The following PPP1R9A variants were observed in gnomAD, a reference collection of about 807,000 sequenced individuals.
PPP1R9A encodes protein phosphatase 1 regulatory subunit 9A.
PPP1R9A carries 59 observed loss-of-function variants against 141.9 expected under a neutral mutation model. The observed-to-expected ratio is 0.42, with a 90% CI of 0.34 to 0.52. The LOEUF (loss-of-function observed/expected upper bound fraction) is 0.52, where lower values mean the gene tolerates loss of function less well. PPP1R9A is among the 20% of genes least tolerant of loss of function. PPP1R9A has a pLI of 0.10. For synonymous variants in PPP1R9A, 500 were observed against 569.7 expected (o/e 0.88, Z 1.74); for missense variants, 1,444 against 1,611.9 (o/e 0.90, Z 1.78).
At chr7:95,012,962 T>C (rs1340408564) in intron 2 of PPP1R9A, among the ~76,000 whole-genome samples, 1 of 152,194 alleles carries the variant, frequency 6.6e-6, no homozygotes, top group Non-Finnish European at 1.5e-5. Context: ...ATGACTTCTC[T>C]GGCCCCTTCC....
intron 2 of PPP1R9A, among the ~76,000 whole-genome samples, chr7:95,067,719 C>G (rs1045027181): frequency 6.6e-6 from 1 of 151,152 alleles, no homozygotes; most frequent in Admixed American, 6.6e-5. Flanking sequence ...TTTTTCTTTT[C>G]TAAGTGCTGA....
intron 4 of PPP1R9A, among the ~76,000 whole-genome samples, chr7:95,121,473 C>G (rs1205123764): frequency 1.3e-5 from 2 of 149,488 alleles, no homozygotes; most frequent in African/African-American, 5.0e-5. Flanking sequence ...ATCTATCTAT[C>G]TATCTATCTA....
At position 95,293,234 on chromosome 7, in the gene PPP1R9A, CTTTG is replaced by C. The variant is rs1806605364; in HGVS notation, c.*2935_*2938del. ...AGGATGTTAGTTTTATAACAGATTA[CTTTG>C]TTTAAGACCATCTCCCTTCAAGTAA... On this transcript the variant is annotated 3_prime_UTR_variant, in exon 20 of 20. Coordinates refer to ENST00000433360, the MANE Select transcript of PPP1R9A (RefSeq NM_001166160.2). 4.6e-5 allele frequency: 7 copies of C among 152,152 alleles called. No homozygotes were observed. The highest frequency in any genetic ancestry group is 4.6e-4 in the Admixed American group (7 of 15,258). The allele number at this position is 152,152 out of a possible 1,614,324, so 9.4% of individuals were successfully genotyped here.
intron 2 of PPP1R9A, among the ~76,000 whole-genome samples, chr7:94,957,090 C>G (rs567064586): frequency 6.6e-6 from 1 of 152,236 alleles, no homozygotes; most frequent in South Asian, 2.1e-4. Flanking sequence ...TATTTTGGAA[C>G]AAGTGGAAGA....
At chr7:95,179,041 TA>T (rs1833322156) in intron 5 of PPP1R9A, among the ~76,000 whole-genome samples, 1 of 152,084 alleles carries the variant, frequency 6.6e-6, no homozygotes, top group Non-Finnish European at 1.5e-5. Flanking sequence ...GGCATCACCC[TA>T]ATATCAAGAC....
chr7:95,071,921 A>G (rs1477109911), intron 2 of PPP1R9A, among the ~76,000 whole-genome samples: 2 of 151,616 alleles, frequency 1.3e-5, no homozygotes, highest in African/African-American at 4.8e-5. Context: ...TATTTTATCT[A>G]CCTTTTTGTA....
intron 7 of PPP1R9A, among the ~76,000 whole-genome samples, chr7:95,212,273 G>A (rs528397047): frequency 4.6e-5 from 7 of 151,948 alleles, no homozygotes; most frequent in East Asian, 1.9e-4. Flanking sequence ...GATCAAATCC[G>A]TTTACTTGGG....
intron 2 of PPP1R9A, among the ~76,000 whole-genome samples, chr7:94,955,800 T>C (rs939468754): frequency 2.6e-5 from 4 of 152,170 alleles, no homozygotes; most frequent in South Asian, 2.1e-4. Context: ...CCTCATTTTC[T>C]GTGTCAGTCT....
intron 2 of PPP1R9A, among the ~76,000 whole-genome samples, chr7:95,072,974 T>A (rs979768707): frequency 7.6e-6 from 1 of 131,868 alleles, no homozygotes; most frequent in African/African-American, 2.9e-5. Context: ...ATATATAATA[T>A]AATAATAATA....
chr7:95,245,948 G>A (rs1178861764), intron 8 of PPP1R9A, among the ~76,000 whole-genome samples: 1 of 152,166 alleles, frequency 6.6e-6, no homozygotes, highest in Non-Finnish European at 1.5e-5. Flanking sequence ...TGTAAGCAGT[G>A]TGAGTGCGGC....
At chr7:94,928,486 C>G (rs1407660916) in intron 2 of PPP1R9A, among the ~76,000 whole-genome samples, 4 of 152,128 alleles carry the variant, frequency 2.6e-5, no homozygotes, top group African/African-American at 9.7e-5. Flanking sequence ...ATCCTAGAAG[C>G]TTTCAACCAA....
intron 2 of PPP1R9A, among the ~76,000 whole-genome samples, chr7:94,931,889 CTTAAAA>C (rs1794207814): frequency 6.6e-6 from 1 of 152,110 alleles, no homozygotes; most frequent in Non-Finnish European, 1.5e-5. Flanking sequence ...ACTGTGGATT[CTTAAAA>C]TACAGTTTCT....
intron 4 of PPP1R9A, 84 bp from the exon 5 acceptor site, chr7:95,161,783 T>C: frequency 1.2e-6 from 1 of 860,592 alleles, no homozygotes; most frequent in Non-Finnish European, 1.8e-6. Flanking sequence ...TCACATATTT[T>C]GTCAACTGAT....
At chr7:95,285,232 T>C (rs1399721223) in intron 17 of PPP1R9A, among the ~76,000 whole-genome samples, 1 of 152,182 alleles carries the variant, frequency 6.6e-6, no homozygotes, top group Non-Finnish European at 1.5e-5. Flanking sequence ...AATCTAACAG[T>C]CCAATTCCTA....
At chr7:95,011,455 T>G (rs919515680) in intron 2 of PPP1R9A, among the ~76,000 whole-genome samples, 2 of 152,208 alleles carry the variant, frequency 1.3e-5, no homozygotes, top group Non-Finnish European at 2.9e-5. Flanking sequence ...AAGATAATGT[T>G]TCAAAAGTAA....
chr7:94,910,890 T>C lies in PPP1R9A; in HGVS notation c.777T>C (p.Pro259=). The change falls in exon 2 of 20, where the codon CCT becomes CCC. Residue 259 remains proline, a synonymous_variant. Transcript: ENST00000433360. This position sits in a 1 kb window ranked among gnomAD's most constrained non-coding sequence, Gnocchi z 4.5. ...ACCTGAAGGATTCTAATTCCTGGCC[T>C]CCTTCAAACAAGCGAGGTGTTGATA... ...FGHLKDSNSW[P]PSNKRGVDTE... is the part of the protein sequence containing the mutation. 1.2e-6 allele frequency: 2 copies of C among 1,614,010 alleles called. No individual in the cohort carries two copies. Among genetic ancestry groups the C allele is most frequent in the Non-Finnish European group, 1.7e-6 (2 of 1,180,020 alleles).
chr7:95,139,038 T>G (rs1358210046), intron 4 of PPP1R9A, among the ~76,000 whole-genome samples: 1 of 152,212 alleles, frequency 6.6e-6, no homozygotes, highest in Non-Finnish European at 1.5e-5. Context: ...CTACATAAAG[T>G]CTTGCATGTG....
intron 2 of PPP1R9A, among the ~76,000 whole-genome samples, chr7:94,992,079 T>G (rs1801584895): frequency 6.6e-6 from 1 of 152,236 alleles, no homozygotes; most frequent in Non-Finnish European, 1.5e-5. Flanking sequence ...GTATACCCTA[T>G]GTGATCATCA....
In PPP1R9A at chr7:94,947,670, G is replaced by T. The variant is rs1307575106; in HGVS notation, c.1395+36162G>T. On this transcript the variant is annotated intron_variant, in intron 2 of 19. Transcript: ENST00000433360. ...ATAGTACAGGTGTCACTTATGTTGAGAAGAGTTCTAGTATATATTTTGAAA... is the reference window on the plus strand; with the variant it reads ...ATAGTACAGGTGTCACTTATGTTGATAAGAGTTCTAGTATATATTTTGAAA... Among the ~76,000 whole-genome samples, 5 of 152,240 alleles carry T rather than the reference G, an allele frequency of 3.3e-5. No individual in the cohort carries two copies. The South Asian group carries it at 6.2e-4, about 19-fold the overall frequency.
Sources: allele counts gnomAD v4.1 joint callset (sites outside exome capture counted in the v4.1 genomes callset), GRCh38; gene constraint gnomAD v4.1.1; non-coding constraint Gnocchi (gnomAD v3.1); transcripts MANE v1.5; gene names NCBI Gene and HGNC (gene_info 2026-07-23, HGNC 2026-07-21).